The following BLNK variants were observed in gnomAD, a reference collection of about 807,000 sequenced individuals.
The protein encoded by BLNK is B cell linker.
Under a neutral mutation model 73.5 loss-of-function variants are expected in BLNK, and 29 were observed. That is an observed-to-expected ratio of 0.39 (90% CI 0.29 to 0.54). The LOEUF is 0.54. Ranked by LOEUF, BLNK falls within the 20% of genes least tolerant of loss-of-function variation. The pLI, the probability that BLNK is intolerant of heterozygous loss-of-function variation, is 0.61. For missense variants in BLNK, 460 were observed against 562.8 expected (o/e 0.82, Z 1.85); for synonymous variants, 176 against 200.8 (o/e 0.88, Z 1.04).
intron 6 of BLNK, among the ~76,000 whole-genome samples, chr10:96,222,206 A>G (rs893713524): frequency 5.5e-4 from 84 of 152,354 alleles, no homozygotes; most frequent in African/African-American, 2.0e-3. Flanking sequence ...GCCCCAAATC[A>G]TACACCTAGA....
intron 7 of BLNK, chr10:96,216,390 C>A: frequency 2.0e-6 from 1 of 509,688 alleles, no homozygotes. Flanking sequence ...CTGAAGAGAA[C>A]TACCCAGGTG....
intron 13 of BLNK, among the ~76,000 whole-genome samples, chr10:96,203,102 G>A (rs1554896628): frequency 6.6e-6 from 1 of 152,002 alleles, no homozygotes; most frequent in African/African-American, 2.4e-5. Context: ...ATGAGGACAG[G>A]GTCTTTATTT....
chr10:96,265,845 C>G (rs1554914156), intron 1 of BLNK, among the ~76,000 whole-genome samples: 1 of 152,192 alleles, frequency 6.6e-6, no homozygotes, highest in Non-Finnish European at 1.5e-5. Context: ...GTTGTGGAGA[C>G]TGCCCTGTAC....
intron 7 of BLNK, 95 bp from the exon 8 acceptor site, chr10:96,215,484 A>T: frequency 8.5e-7 from 1 of 1,173,554 alleles, no homozygotes; most frequent in Non-Finnish European, 1.2e-6. Context: ...CTCAGGGAAA[A>T]ATGATGACCA....
chr10:96,211,882 T>C (rs1192863219), intron 8 of BLNK, among the ~76,000 whole-genome samples: 1 of 152,168 alleles, frequency 6.6e-6, no homozygotes, highest in Non-Finnish European at 1.5e-5. Context: ...GCAATAGAAT[T>C]TGATGGAAGA....
chr10:96,210,839 C>T (rs2083928566), intron 8 of BLNK, among the ~76,000 whole-genome samples: 2 of 150,020 alleles, frequency 1.3e-5, no homozygotes, highest in Admixed American at 6.6e-5. Flanking sequence ...TAAGAACTTA[C>T]TACACATACA....
Position 96,200,090 on chromosome 10 carries a change from C to T in BLNK, c.1080G>A (p.Leu360=). 6.2e-7 allele frequency: 1 copy of T among 1,613,508 alleles called. No individual in the cohort carries two copies. The highest frequency in any genetic ancestry group is 8.5e-7 in the Non-Finnish European group (1 of 1,179,582). ...ACDRKSAEEA[L]HRSNKDGSFL... The stretch of plus-strand genomic sequence containing the variant: ...ATGATCAGACCTTGTTTGATCTGTG[C>T]AATGCCTCTTCAGCAGACTTTCGAT... Residue 360 remains leucine, a synonymous_variant, in exon 15 of 17, where the codon TTG becomes TTA. Coordinates refer to ENST00000224337, the MANE Select transcript of BLNK (RefSeq NM_013314.4). The surrounding 1 kb of genome is among the most constrained non-coding windows in gnomAD (Gnocchi z 4.3).
rs2083614556 is a variant in BLNK at position 96,200,904 on chromosome 10, T to C, written c.1011+78A>G. Reference sequence around the variant, plus strand: ...CTCTGTTCTCAAGGTTCACTCCAAATGTCTTCTTCTCAGAAGACATGCTCT... The same window carrying C: ...CTCTGTTCTCAAGGTTCACTCCAAACGTCTTCTTCTCAGAAGACATGCTCT... On this transcript the variant is annotated intron_variant, in intron 14 of 16. Transcript: ENST00000224337. This position sits in a 1 kb window ranked among gnomAD's most constrained non-coding sequence, Gnocchi z 4.3. 4 of 1,297,330 alleles carry C rather than the reference T, an allele frequency of 3.1e-6. No individual in the cohort carries two copies. The highest frequency in any genetic ancestry group is 4.5e-6 in the Non-Finnish European group (4 of 891,770). 80.4% of individuals were successfully genotyped at this position (1,297,330 alleles called of 1,614,324 possible).
intron 1 of BLNK, among the ~76,000 whole-genome samples, chr10:96,250,229 A>G (rs1406982665): frequency 6.6e-6 from 1 of 152,192 alleles, no homozygotes; most frequent in Non-Finnish European, 1.5e-5. Context: ...GGTCCCTCAG[A>G]TGGGCCCTTG....
intron 4 of BLNK, among the ~76,000 whole-genome samples, chr10:96,230,571 C>T (rs918392379): frequency 9.2e-5 from 14 of 152,150 alleles, no homozygotes; most frequent in Non-Finnish European, 1.9e-4. Context: ...ACACCTACCT[C>T]AAAGGTTTAA....
In BLNK at chr10:96,249,350, CAGCAGTGG is replaced by C. The variant is rs538622830; in HGVS notation, c.48-2309_48-2302del. 1.1e-4 allele frequency among the ~76,000 whole-genome samples: 16 copies of C among 152,354 alleles called. No individual in the cohort carries two copies. In the South Asian group the frequency reaches 3.3e-3, roughly 32 times the overall value. The stretch of plus-strand genomic sequence containing the variant: ...GCGGTGGAAGGGTTACTTTTTGGTG[CAGCAGTGG>C]AGCAGTTTAGAGGGTAAGAGGACAG... On this transcript the variant is annotated intron_variant, in intron 1 of 16. Transcript: ENST00000224337.
chr10:96,236,591 G>A (rs1591341380), intron 3 of BLNK, among the ~76,000 whole-genome samples: 1 of 152,136 alleles, frequency 6.6e-6, no homozygotes, highest in African/African-American at 2.4e-5. Context: ...GGAGGCCAGG[G>A]CAGGAGGATC....
chr10:96,213,040 T>G (rs1007944819), intron 8 of BLNK, among the ~76,000 whole-genome samples: 7 of 152,244 alleles, frequency 4.6e-5, no homozygotes, highest in Non-Finnish European at 8.8e-5. Flanking sequence ...AAAATACAGC[T>G]ATACCAGGTT....
At chr10:96,220,676 C>T (rs12250448) in intron 6 of BLNK, among the ~76,000 whole-genome samples, 24,648 of 151,980 alleles carry the variant, frequency 0.16, 2,838 homozygotes, top group East Asian at 0.44. Context: ...AACTTGACTT[C>T]AGTGAATCAG....
At chr10:96,194,767 A>ATTTTT (rs2083415785) in intron 16 of BLNK, among the ~76,000 whole-genome samples, 3 of 63,364 alleles carry the variant, frequency 4.7e-5, no homozygotes, top group Non-Finnish European at 1.1e-4. Context: ...GAGAAATGCA[A>ATTTTT]ATTTTTTTTT....
At chr10:96,255,096 C>G (rs1554910681) in intron 1 of BLNK, among the ~76,000 whole-genome samples, 1 of 152,150 alleles carries the variant, frequency 6.6e-6, no homozygotes, top group Non-Finnish European at 1.5e-5. Flanking sequence ...GGAAGTTCGT[C>G]TGGCCAAGAG....
At chr10:96,260,539 G>A (rs945834080) in intron 1 of BLNK, among the ~76,000 whole-genome samples, 1 of 152,170 alleles carries the variant, frequency 6.6e-6, no homozygotes, top group Non-Finnish European at 1.5e-5. Context: ...GGGGGAAAAA[G>A]GAACTTTGGC....
Position 96,201,020 on chromosome 10 carries a change from G to A in BLNK, c.973C>T (p.Leu325=). The A allele has an allele frequency of 6.2e-7, 1 of 1,614,150 alleles. No individual in the cohort carries two copies. Among genetic ancestry groups the A allele is most frequent in the Non-Finnish European group, 8.5e-7 (1 of 1,180,002 alleles). The change falls in exon 14 of 17, where the codon CTA becomes TTA. Residue 325 remains leucine, a synonymous_variant. Coordinates refer to ENST00000224337, the MANE Select transcript of BLNK (RefSeq NM_013314.4). ...EGGNPTVDGP[L]PSFSSNSTIS... Reference sequence around the variant, plus strand: ...GTGGAATTAGATGAAAAGCTGGGTAGGGGCCCATCCACAGTTGGGTTTCCC... The same window carrying A: ...GTGGAATTAGATGAAAAGCTGGGTAAGGGCCCATCCACAGTTGGGTTTCCC...
intron 3 of BLNK, among the ~76,000 whole-genome samples, chr10:96,231,801 C>T (rs1842510420): frequency 6.6e-6 from 1 of 151,412 alleles, no homozygotes; most frequent in Non-Finnish European, 1.5e-5. Context: ...AGTCACATGC[C>T]CAAGGTCAGA....
Sources: allele counts gnomAD v4.1 joint callset (sites outside exome capture counted in the v4.1 genomes callset), GRCh38; gene constraint gnomAD v4.1.1; non-coding constraint Gnocchi (gnomAD v3.1); transcripts MANE v1.5; gene names NCBI Gene and HGNC (gene_info 2026-07-23, HGNC 2026-07-21).